KDM1A: variants seen among roughly 807,000 people sequenced by gnomAD.
KDM1A encodes the protein lysine demethylase 1A, also known as lysine-specific histone demethylase 1A.
A neutral mutation model predicts 109.4 loss-of-function variants in KDM1A; 49 were observed. That is an observed-to-expected ratio of 0.45 (90% CI 0.36 to 0.57). The LOEUF is 0.57. Among genes scored for constraint, KDM1A ranks in the 20% least tolerant of loss-of-function variants. The pLI, the probability that KDM1A is intolerant of heterozygous loss-of-function variation, is 0.00. For synonymous variants in KDM1A, 380 were observed against 415.4 expected (o/e 0.91, Z 1.04); for missense variants, 668 against 1,116.6 (o/e 0.60, Z 5.73).
chr1:23,048,258 T>G (rs773729947), intron 3 of KDM1A, among the ~76,000 whole-genome samples: 5 of 152,134 alleles, frequency 3.3e-5, no homozygotes, highest in Non-Finnish European at 5.9e-5. Flanking sequence ...TGTTTTGTTT[T>G]CAGTTTTTAT....
chr1:23,081,999 T>TCGCAGTC, intron 19 of KDM1A: 1 of 358,914 alleles, frequency 2.8e-6, no homozygotes, highest in East Asian at 4.3e-5. Flanking sequence ...GATCTCTGGA[T>TCGCAGTC]TCATAGACAG....
At position 23,072,131 on chromosome 1, in the gene KDM1A, A is replaced by G. The variant is rs1165384049; in HGVS notation, c.1556A>G (p.Asp519Gly). Reference protein sequence around the residue: ...RDLTALCKEYDELAETQGKLE... With the variant: ...RDLTALCKEYGELAETQGKLE... ...TCACTTAATTTTTATCAGGAATATGATGAATTAGCTGAAACACAAGGAAAG... is the reference window on the plus strand; with the variant it reads ...TCACTTAATTTTTATCAGGAATATGGTGAATTAGCTGAAACACAAGGAAAG... The change falls in exon 14 of 21, where the codon GAT (aspartate) becomes GGT (glycine). Residue 519 changes from aspartate to glycine, a missense_variant. Around this residue, in one of 8 missense-constraint regions of KDM1A, gnomAD observed 162 missense variants for 376.4 expected, o/e 0.43. Coordinates refer to ENST00000400181, the MANE Select transcript of KDM1A (RefSeq NM_001009999.3). The G allele has an allele frequency of 2.5e-6, 4 of 1,606,308 alleles. No individual in the cohort carries two copies. The highest frequency in any genetic ancestry group is 2.2e-5 in the East Asian group (1 of 44,650).
intron 2 of KDM1A, among the ~76,000 whole-genome samples, chr1:23,030,909 G>C (rs550932615): frequency 1.3e-5 from 2 of 152,256 alleles, no homozygotes; most frequent in South Asian, 2.1e-4. Flanking sequence ...TGGAAGGACA[G>C]TGGCAATATA....
At chr1:23,064,327 A>G (rs1219907344) in intron 9 of KDM1A, among the ~76,000 whole-genome samples, 1 of 152,214 alleles carries the variant, frequency 6.6e-6, no homozygotes, top group Admixed American at 6.5e-5. Context: ...TCTAGGTTTT[A>G]CCAAATGAAC....
At chr1:23,044,395 A>G in intron 2 of KDM1A, 32 bp from the exon 3 acceptor site, 1 of 1,603,290 alleles carries the variant, frequency 6.2e-7, no homozygotes, top group Non-Finnish European at 8.5e-7. Flanking sequence ...TTATGGAGTA[A>G]GGTCCCTGAG....
chr1:23,025,108 G>T (rs1641754719), intron 1 of KDM1A, among the ~76,000 whole-genome samples: 1 of 152,184 alleles, frequency 6.6e-6, no homozygotes, highest in South Asian at 2.1e-4. Context: ...ATGGTAGCCT[G>T]TAGCCACATG....
chr1:23,081,454 C>T lies in KDM1A; in HGVS notation c.2179C>T (p.Leu727=). The change falls in exon 19 of 21, where the codon CTG becomes TTG. Residue 727 remains leucine, a synonymous_variant. Coordinates refer to ENST00000400181, the MANE Select transcript of KDM1A (RefSeq NM_001009999.3). ...CCTTTCTGTTTCCCCAGCTCCAATA[C>T]TGTTGGCACTAGTGGCAGGAGAAGC... ...LFWNLYKAPI[L]LALVAGEAAG... The T allele has an allele frequency of 6.2e-7, 1 of 1,614,164 alleles. No individual in the cohort carries two copies. Among genetic ancestry groups the T allele is most frequent in the Non-Finnish European group, 8.5e-7 (1 of 1,179,986 alleles).
chr1:23,043,337 A>G (rs1301813730), intron 2 of KDM1A, among the ~76,000 whole-genome samples: 1 of 152,218 alleles, frequency 6.6e-6, no homozygotes, highest in African/African-American at 2.4e-5. Flanking sequence ...TACCTTCATA[A>G]CAGAGCATGT....
At position 23,073,899 on chromosome 1, in the gene KDM1A, C is replaced by T. The variant is rs529938015; in HGVS notation, c.1734+496C>T. On this transcript the variant is annotated intron_variant, in intron 15 of 20. Coordinates refer to ENST00000400181, the MANE Select transcript of KDM1A (RefSeq NM_001009999.3). ...CATTGTGTGGATATACCACTGGTGC[C>T]TTAATGGGCATTTGGGTTGTTTCCC... Among the ~76,000 whole-genome samples the T allele has an allele frequency of 2.6e-5, 4 of 152,310 alleles. No homozygotes were observed. The South Asian group carries it at 8.3e-4, about 32-fold the overall frequency.
intron 1 of KDM1A, chr1:23,020,579 C>T (rs1188384107): frequency 6.6e-6 from 1 of 151,586 alleles, no homozygotes; most frequent in Non-Finnish European, 1.5e-5. Context: ...AAATAATAGT[C>T]AAAATGCAAA....
intron 2 of KDM1A, among the ~76,000 whole-genome samples, chr1:23,042,663 G>A (rs1381208020): frequency 3.1e-4 from 46 of 150,602 alleles, no homozygotes; most frequent in Non-Finnish European, 5.9e-4. Flanking sequence ...CGTTTTAGCC[G>A]GGATGGTCTC....
chr1:23,060,275 G>A (rs539177065), intron 9 of KDM1A, among the ~76,000 whole-genome samples: 1 of 152,300 alleles, frequency 6.6e-6, no homozygotes, highest in East Asian at 1.9e-4. Context: ...GGTGCTTGTA[G>A]AGAAATAATT....
intron 14 of KDM1A, 104 bp downstream of exon 14, chr1:23,072,301 AGT>A: frequency 1.3e-6 from 1 of 797,928 alleles, no homozygotes; most frequent in Middle Eastern, 2.3e-4. Flanking sequence ...ATTTATGTTC[AGT>A]GAGTGGTTTA....
Position 23,082,382 on chromosome 1 carries a change from ACTAT to A in KDM1A, c.2445+19_2445+22del. The A allele has an allele frequency of 6.2e-7, 1 of 1,605,524 alleles. No homozygotes were observed. The highest frequency in any genetic ancestry group is 1.1e-5 in the South Asian group (1 of 90,476). ...TGCCCCACAGGTGAGAAGCTGGCAA[ACTAT>A]CTGGGCTTATTTGGGAAGAGGCCAG... On this transcript the variant is annotated intron_variant, in intron 20 of 20. Transcript: ENST00000400181.
intron 2 of KDM1A, among the ~76,000 whole-genome samples, chr1:23,038,345 T>G (rs2124405918): frequency 6.6e-6 from 1 of 152,204 alleles, no homozygotes; most frequent in Non-Finnish European, 1.5e-5. Context: ...AATGACAGAC[T>G]TTGGGACTTT....
chr1:23,033,827 GCC>G lies in KDM1A; in HGVS notation c.517+3195_517+3196del, dbSNP rs1642062759. Among the ~76,000 whole-genome samples, 3 of 152,298 alleles carry G rather than the reference GCC, an allele frequency of 2.0e-5. No individual in the cohort carries two copies. In the South Asian group the frequency reaches 6.2e-4, roughly 32 times the overall value. On this transcript the variant is annotated intron_variant, in intron 2 of 20. Coordinates refer to ENST00000400181, the MANE Select transcript of KDM1A (RefSeq NM_001009999.3). The stretch of plus-strand genomic sequence containing the variant: ...TTGAGCATTAGGAGTGTCAGCGGTA[GCC>G]CTGAGGTTTTTTGAGCAAGGGGGGT...
chr1:23,082,996 T>A lies in KDM1A; in HGVS notation c.2446-183T>A. On this transcript the variant is annotated intron_variant, in intron 20 of 20. Transcript: ENST00000400181. ...CCTAGGTAGAGTTTTATTGTCTCATTTCTACTTGTCAATTCTGGGAAAGTG... is the reference window on the plus strand; with the variant it reads ...CCTAGGTAGAGTTTTATTGTCTCATATCTACTTGTCAATTCTGGGAAAGTG... The A allele has an allele frequency of 5.2e-6, 3 of 573,040 alleles. No individual in the cohort carries two copies. In the African/African-American group the frequency reaches 5.6e-5, roughly 11 times the overall value. The allele number at this position is 573,040 out of a possible 1,614,324, so 35.5% of individuals were successfully genotyped here. A position where few individuals can be genotyped will look rare whatever the true frequency, so the allele number is the denominator to read the frequency against.
intron 12 of KDM1A, among the ~76,000 whole-genome samples, chr1:23,069,827 A>T (rs1247430752): frequency 6.6e-6 from 1 of 152,266 alleles, no homozygotes; most frequent in African/African-American, 2.4e-5. Context: ...CCCAGGCTCC[A>T]GCGCATTAAA....
intron 3 of KDM1A, among the ~76,000 whole-genome samples, chr1:23,048,580 C>T (rs929622912): frequency 6.4e-4 from 98 of 152,126 alleles, no homozygotes; most frequent in Admixed American, 6.2e-3. Flanking sequence ...AGTTTTTTCT[C>T]CTGGTCTCTA....
Sources: allele counts gnomAD v4.1 joint callset (sites outside exome capture counted in the v4.1 genomes callset), GRCh38; gene constraint gnomAD v4.1.1; regional missense constraint gnomAD v4.1.1; transcripts MANE v1.5; gene names NCBI Gene and HGNC (gene_info 2026-07-23, HGNC 2026-07-21).